Variants in SLC17A6 observed in about 807,000 individuals in gnomAD.
SLC17A6 encodes the protein solute carrier family 17 member 6.
SLC17A6 carries 35 observed loss-of-function variants against 67.1 expected under a neutral mutation model. The observed-to-expected ratio is 0.52, with a 90% CI of 0.40 to 0.69. SLC17A6 has a LOEUF of 0.69. Ranked by LOEUF, SLC17A6 falls within the 30% of genes least tolerant of loss-of-function variation. SLC17A6 has a pLI of 0.00. For missense variants in SLC17A6, 588 were observed against 723.9 expected (o/e 0.81, Z 2.15); for synonymous variants, 285 against 252.3 (o/e 1.13, Z -1.23).
At chr11:22,347,503 CG>C (rs753452917) in intron 3 of SLC17A6, among the ~76,000 whole-genome samples, 4 of 53,478 alleles carry the variant, frequency 7.5e-5, no homozygotes, top group Admixed American at 4.5e-4. Context: ...TCTTAACTTT[CG>C]GGAAAAAAAA....
intron 3 of SLC17A6, among the ~76,000 whole-genome samples, chr11:22,352,745 A>G (rs1855955252): frequency 6.6e-6 from 1 of 152,128 alleles, no homozygotes; most frequent in African/African-American, 2.4e-5. Flanking sequence ...GTTGAAAAAG[A>G]GGTGTGTTTT....
chr11:22,355,262 G>A (rs989392954), intron 3 of SLC17A6, among the ~76,000 whole-genome samples: 3 of 152,162 alleles, frequency 2.0e-5, no homozygotes, highest in Admixed American at 6.5e-5. Flanking sequence ...ACCTAGTGAT[G>A]TCGTTTTTAA....
chr11:22,373,530 C>T (rs59889745), intron 8 of SLC17A6, among the ~76,000 whole-genome samples: 1 of 151,926 alleles, frequency 6.6e-6, no homozygotes, highest in African/African-American at 2.4e-5. Context: ...CTGCTACATA[C>T]CAAGTTTTGT....
At chr11:22,371,385 T>C (rs1590394127) in intron 8 of SLC17A6, among the ~76,000 whole-genome samples, 1 of 152,156 alleles carries the variant, frequency 6.6e-6, no homozygotes, top group East Asian at 1.9e-4. Context: ...AAGAGCTCTT[T>C]TGTAATTCCT....
At chr11:22,342,531 C>T (rs1219010537) in intron 2 of SLC17A6, among the ~76,000 whole-genome samples, 1 of 152,162 alleles carries the variant, frequency 6.6e-6, no homozygotes, top group South Asian at 2.1e-4. Flanking sequence ...CGCGCTCCCA[C>T]CTTTCGGATG....
chr11:22,373,420 G>T (rs990227175), intron 8 of SLC17A6, among the ~76,000 whole-genome samples: 1 of 151,804 alleles, frequency 6.6e-6, no homozygotes, highest in Non-Finnish European at 1.5e-5. Context: ...AGAATAAAAA[G>T]CCTTGTACTT....
rs776561281 is a variant in SLC17A6, at chr11:22,359,500, T to C, written c.546T>C (p.Phe182=). The C allele has an allele frequency of 6.2e-7, 1 of 1,606,076 alleles. No homozygotes were observed. The highest frequency in any genetic ancestry group is 1.1e-5 in the South Asian group (1 of 89,586). The stretch of plus-strand genomic sequence containing the variant: ...GAGTGCATTATGGATGTGTCATCTT[T>C]GTCAGAATACTGCAGGGACTTGTTG... ...AARVHYGCVI[F]VRILQGLVEG... Residue 182 remains phenylalanine (F), a synonymous_variant, in exon 4 of 12, where the codon TTT becomes TTC. Transcript: ENST00000263160.
At position 22,339,159 on chromosome 11, in the gene SLC17A6, ATATATGTTATATATATATGTTT is replaced by A. The variant is rs1280902897; in HGVS notation, c.86+546_86+567del. 1.1e-4 allele frequency among the ~76,000 whole-genome samples: 6 copies of A among 53,916 alleles called. 1 individual carries two copies. Among genetic ancestry groups the A allele is most frequent in the South Asian group, 1.5e-3 (2 of 1,322 alleles). The allele number at this position is 53,916 out of a possible 152,430, so 35.4% of individuals were successfully genotyped here. A position where few individuals can be genotyped will look rare whatever the true frequency, so the allele number is the denominator to read the frequency against. On this transcript the variant is annotated intron_variant, in intron 1 of 11. Coordinates refer to ENST00000263160, the MANE Select transcript of SLC17A6 (RefSeq NM_020346.3). ...ATATATATGTTATATATAGTTATATATATATGTTATATATATATGTTTTATATATATATATATATATATATGT... is the reference window on the plus strand; with the variant it reads ...ATATATATGTTATATATAGTTATATATATATATATATATATATATATATGT...
chr11:22,370,206 T>G lies in SLC17A6; in HGVS notation c.1041+18T>G. 6.3e-7 allele frequency: 1 copy of G among 1,577,904 alleles called. No individual in the cohort carries two copies. Among genetic ancestry groups the G allele is most frequent in the Non-Finnish European group, 8.6e-7 (1 of 1,165,428 alleles). ...TTAGCAAGGTATGTAAAATGTATTC[T>G]TATATAAATTGTGGATTACCTGTGT... On this transcript the variant is annotated intron_variant, in intron 8 of 11. Coordinates refer to ENST00000263160, the MANE Select transcript of SLC17A6 (RefSeq NM_020346.3).
chr11:22,366,795 A>G (rs1417946774), intron 7 of SLC17A6, among the ~76,000 whole-genome samples: 2 of 152,112 alleles, frequency 1.3e-5, no homozygotes, highest in Non-Finnish European at 2.9e-5. Context: ...GCCTGAGGTC[A>G]GGAGTTTGAG....
At chr11:22,375,928 C>A in intron 9 of SLC17A6, 54 bp from the exon 10 acceptor site, 1 of 1,304,726 alleles carries the variant, frequency 7.7e-7, no homozygotes, top group South Asian at 1.4e-5. Flanking sequence ...AGTTTTGGCT[C>A]ATTGGTAAAA....
intron 8 of SLC17A6, among the ~76,000 whole-genome samples, chr11:22,373,363 G>A (rs1233112243): frequency 6.6e-6 from 1 of 151,940 alleles, no homozygotes; most frequent in African/African-American, 2.4e-5. Context: ...TTGTTCAAAG[G>A]TTTCTTTCTA....
At chr11:22,372,570 G>T (rs923816284) in intron 8 of SLC17A6, among the ~76,000 whole-genome samples, 1 of 151,920 alleles carries the variant, frequency 6.6e-6, no homozygotes, top group Non-Finnish European at 1.5e-5. Context: ...TCCTATTTAG[G>T]GGAGGAGAAG....
intron 4 of SLC17A6, among the ~76,000 whole-genome samples, chr11:22,360,537 CA>C (rs138019567): frequency 1.7e-4 from 21 of 126,944 alleles, no homozygotes; most frequent in Admixed American, 3.1e-4. Flanking sequence ...CCCCCCCCCC[CA>C]AAAAAAAGAT....
chr11:22,375,951 C>G, intron 9 of SLC17A6, 31 bp from the exon 10 acceptor site: 1 of 1,539,946 alleles, frequency 6.5e-7, no homozygotes, highest in Non-Finnish European at 8.8e-7. Context: ...TCAAAAATTT[C>G]TGAAGAATTT....
intron 3 of SLC17A6, among the ~76,000 whole-genome samples, chr11:22,355,970 A>G (rs1235937113): frequency 2.6e-5 from 4 of 151,926 alleles, no homozygotes; most frequent in Admixed American, 1.3e-4. Context: ...TCCCTCTCCT[A>G]CTACACTGAG....
At chr11:22,345,067 A>G (rs577857230) in intron 3 of SLC17A6, among the ~76,000 whole-genome samples, 162 of 152,282 alleles carry the variant, frequency 1.1e-3, no homozygotes, top group Admixed American at 2.0e-3. Context: ...GGTGACTTTA[A>G]GGGTTTTTTT....
intron 1 of SLC17A6, among the ~76,000 whole-genome samples, chr11:22,340,346 G>T (rs1384779707): frequency 6.6e-6 from 1 of 152,208 alleles, no homozygotes. Flanking sequence ...CCTTTTGTTT[G>T]TTTGTTGTTA....
At chr11:22,360,304 C>CACAGGGAG in intron 4 of SLC17A6, among the ~76,000 whole-genome samples, 1 of 151,920 alleles carries the variant, frequency 6.6e-6, no homozygotes, top group East Asian at 1.9e-4. Flanking sequence ...GGGAGGGGAA[C>CACAGGGAG]GACACACACT....
Sources: allele counts gnomAD v4.1 joint callset (sites outside exome capture counted in the v4.1 genomes callset), GRCh38; gene constraint gnomAD v4.1.1; transcripts MANE v1.5; gene names NCBI Gene and HGNC (gene_info 2026-07-23, HGNC 2026-07-21).